The following TAOK1 variants were observed in gnomAD, a reference collection of about 807,000 sequenced individuals.
TAOK1 encodes the protein serine/threonine-protein kinase TAO1.
A neutral mutation model predicts 138.3 loss-of-function variants in TAOK1; 21 were observed. That is an observed-to-expected ratio of 0.15 (90% CI 0.11 to 0.22). The LOEUF is 0.22. Among genes scored for constraint, TAOK1 ranks in the 10% least tolerant of loss-of-function variants. The pLI is 1.00. For missense variants in TAOK1, 651 were observed against 1,227.7 expected (o/e 0.53, Z 7.02); for synonymous variants, 361 against 398.4 (o/e 0.91, Z 1.12).
At chr17:29,503,132 C>T (rs1226623759) in intron 13 of TAOK1, among the ~76,000 whole-genome samples, 2 of 152,126 alleles carry the variant, frequency 1.3e-5, no homozygotes, top group South Asian at 2.1e-4. Context: ...CACAGTGGCT[C>T]ATGCCTGTAA....
At chr17:29,449,383 A>G (rs2030175757) in intron 1 of TAOK1, among the ~76,000 whole-genome samples, 1 of 152,152 alleles carries the variant, frequency 6.6e-6, no homozygotes, top group South Asian at 2.1e-4. Context: ...ATTGAATACA[A>G]ATTAAGAATT....
chr17:29,536,171 C>T (rs549822856), intron 19 of TAOK1, among the ~76,000 whole-genome samples: 5 of 152,102 alleles, frequency 3.3e-5, no homozygotes, highest in African/African-American at 9.6e-5. Context: ...TGGTGGCAGG[C>T]GCCTGTAATC....
chr17:29,414,606 G>C (rs1211936665), intron 1 of TAOK1, among the ~76,000 whole-genome samples: 1 of 150,598 alleles, frequency 6.6e-6, no homozygotes, highest in African/African-American at 2.4e-5. Context: ...ACCGAGGCTG[G>C]AGTGTGGTGG....
intron 8 of TAOK1, among the ~76,000 whole-genome samples, chr17:29,484,761 C>T (rs59864290): frequency 0.037 from 5,571 of 152,008 alleles, 313 homozygotes; most frequent in African/African-American, 0.13. Context: ...CCTGCCACCA[C>T]GCCCAGCTAA....
At chr17:29,498,608 T>G in intron 12 of TAOK1, 87 bp downstream of exon 12, 1 of 1,495,142 alleles carries the variant, frequency 6.7e-7, no homozygotes, top group South Asian at 1.2e-5. Flanking sequence ...AGAAGGAAGA[T>G]AAGGAAGTTT....
Position 29,467,780 on chromosome 17 carries a change from C to G in TAOK1, c.204+564C>G, listed in dbSNP as rs547523811. On this transcript the variant is annotated intron_variant, in intron 3 of 19. Transcript: ENST00000261716. ...CATTATTGGTATCTCCAAATCCCCC[C>G]TACTCTTGCTTCCTGCTTTTATTTT... Among the ~76,000 whole-genome samples, 9 of 151,886 alleles carry G rather than the reference C, an allele frequency of 5.9e-5. No homozygotes were observed. The South Asian group carries it at 8.3e-4, about 14-fold the overall frequency.
chr17:29,527,421 T>C (rs1193551280), intron 17 of TAOK1, among the ~76,000 whole-genome samples: 1 of 152,174 alleles, frequency 6.6e-6, no homozygotes, highest in Non-Finnish European at 1.5e-5. Flanking sequence ...GCCATGATCA[T>C]GGCACTGTAC....
At chr17:29,523,577 C>T (rs1263588881) in intron 17 of TAOK1, among the ~76,000 whole-genome samples, 8 of 152,032 alleles carry the variant, frequency 5.3e-5, no homozygotes, top group African/African-American at 1.4e-4. Flanking sequence ...TTAGTAGAGA[C>T]GGGGTTCACC....
chr17:29,410,506 G>A (rs2153020902), intron 1 of TAOK1, among the ~76,000 whole-genome samples: 1 of 151,760 alleles, frequency 6.6e-6, no homozygotes, highest in Non-Finnish European at 1.5e-5. Context: ...GCCCGCCTCG[G>A]CCTCCCAAAG....
intron 1 of TAOK1, among the ~76,000 whole-genome samples, chr17:29,444,458 C>T (rs2030027241): frequency 6.6e-6 from 1 of 152,166 alleles, no homozygotes; most frequent in African/African-American, 2.4e-5. Flanking sequence ...TAACTCTAGT[C>T]TAACAGTGTA....
rs2032418936 is a variant in TAOK1, at chr17:29,547,400, T to C, written c.*4378T>C. 2 of 152,090 alleles carry C rather than the reference T, an allele frequency of 1.3e-5. No homozygotes were observed. The highest frequency in any genetic ancestry group is 4.8e-5 in the African/African-American group (2 of 41,438). The allele number at this position is 152,090 out of a possible 1,614,324, so 9.4% of individuals were successfully genotyped here. On this transcript the variant is annotated 3_prime_UTR_variant, in exon 20 of 20. Coordinates refer to ENST00000261716, the MANE Select transcript of TAOK1 (RefSeq NM_020791.4). Reference sequence around the variant, plus strand: ...TTACCTGCCTCTTCTTGCTTGCTAATAGTAAGTTCTTTGTGCACCTTCCAC... The same window carrying C: ...TTACCTGCCTCTTCTTGCTTGCTAACAGTAAGTTCTTTGTGCACCTTCCAC...
chr17:29,474,923 T>G (rs1314188286), intron 3 of TAOK1, among the ~76,000 whole-genome samples: 1 of 151,984 alleles, frequency 6.6e-6, no homozygotes, highest in African/African-American at 2.4e-5. Context: ...TGCCTGTATA[T>G]GAATGTTATT....
rs892244969 is a variant in TAOK1, at chr17:29,551,186, A to C, written c.*8164A>C. ...ACAATGTATTTTAGTTATTCCCACAAGTCAGGGGTCCAGATAAAATGAGGG... is the reference window on the plus strand; with the variant it reads ...ACAATGTATTTTAGTTATTCCCACACGTCAGGGGTCCAGATAAAATGAGGG... On this transcript the variant is annotated 3_prime_UTR_variant, in exon 20 of 20. Coordinates refer to ENST00000261716, the MANE Select transcript of TAOK1 (RefSeq NM_020791.4). The C allele has an allele frequency of 8.5e-5, 13 of 152,202 alleles. No individual in the cohort carries two copies. Among genetic ancestry groups the C allele is most frequent in the Non-Finnish European group, 1.8e-4 (12 of 68,034 alleles). 9.4% of individuals were successfully genotyped at this position (152,202 alleles called of 1,614,324 possible). A position where few individuals can be genotyped will look rare whatever the true frequency, so the allele number is the denominator to read the frequency against.
intron 1 of TAOK1, among the ~76,000 whole-genome samples, chr17:29,416,631 A>C (rs191047141): frequency 6.6e-6 from 1 of 152,276 alleles, no homozygotes; most frequent in Non-Finnish European, 1.5e-5. Context: ...AGCCGAAACT[A>C]TGTATTTGCC....
chr17:29,536,692 C>T (rs986661147), intron 19 of TAOK1, among the ~76,000 whole-genome samples: 3 of 144,106 alleles, frequency 2.1e-5, no homozygotes, highest in African/African-American at 7.7e-5. Flanking sequence ...AAATCCATGT[C>T]ATTCAAACTT....
Position 29,549,003 on chromosome 17 carries a change from C to T in TAOK1, c.*5981C>T, listed in dbSNP as rs1359016729. ...GAATGAGGTAGGGAGCCTCTCTCCCCCAGTGGCCATGTTTACAAAAGTGTG... is the reference window on the plus strand; with the variant it reads ...GAATGAGGTAGGGAGCCTCTCTCCCTCAGTGGCCATGTTTACAAAAGTGTG... On this transcript the variant is annotated 3_prime_UTR_variant, in exon 20 of 20. Transcript: ENST00000261716. 1 of 152,110 alleles carries T rather than the reference C, an allele frequency of 6.6e-6. No homozygotes were observed. The highest frequency in any genetic ancestry group is 1.5e-5 in the Non-Finnish European group (1 of 68,006). The allele number at this position is 152,110 out of a possible 1,614,324, so 9.4% of individuals were successfully genotyped here. A position where few individuals can be genotyped will look rare whatever the true frequency, so the allele number is the denominator to read the frequency against.
intron 2 of TAOK1, among the ~76,000 whole-genome samples, chr17:29,455,877 G>C (rs777831411): frequency 2.7e-5 from 4 of 149,982 alleles, no homozygotes; most frequent in Non-Finnish European, 5.9e-5. Flanking sequence ...TGCTAGTATG[G>C]TGTTGGGAAT....
intron 4 of TAOK1, among the ~76,000 whole-genome samples, chr17:29,476,200 C>G (rs1598497632): frequency 6.6e-6 from 1 of 152,162 alleles, no homozygotes; most frequent in Non-Finnish European, 1.5e-5. Flanking sequence ...TCGAATAACA[C>G]TAAAGATAGA....
rs1463648080 is a variant in TAOK1, at chr17:29,545,639, GGTTTGTATAT to G, written c.*2624_*2633del. 1 of 152,024 alleles carries G rather than the reference GGTTTGTATAT, an allele frequency of 6.6e-6. No individual in the cohort carries two copies. Among genetic ancestry groups the G allele is most frequent in the Non-Finnish European group, 1.5e-5 (1 of 67,978 alleles). The allele number at this position is 152,024 out of a possible 1,614,324, so 9.4% of individuals were successfully genotyped here. A position where few individuals can be genotyped will look rare whatever the true frequency, so the allele number is the denominator to read the frequency against. On this transcript the variant is annotated 3_prime_UTR_variant, in exon 20 of 20. Coordinates refer to ENST00000261716, the MANE Select transcript of TAOK1 (RefSeq NM_020791.4). ...TTGCAAAAAATGATTCAAATTAATT[GGTTTGTATAT>G]GTTTGTGAGATCTAGCTTCTGAGGA... is the stretch of plus-strand genomic sequence containing the variant.
Sources: allele counts gnomAD v4.1 joint callset (sites outside exome capture counted in the v4.1 genomes callset), GRCh38; gene constraint gnomAD v4.1.1; transcripts MANE v1.5; gene names NCBI Gene and HGNC (gene_info 2026-07-23, HGNC 2026-07-21).